Variants in TUSC3 observed in about 807,000 individuals in gnomAD.
TUSC3 encodes dolichyl-diphosphooligosaccharide--protein glycosyltransferase subunit TUSC3.
TUSC3 carries 45 observed loss-of-function variants against 44.8 expected under a neutral mutation model. The observed-to-expected ratio is 1.00, with a 90% confidence interval of 0.79 to 1.29. The LOEUF (loss-of-function observed/expected upper bound fraction) is 1.29. Ranked by LOEUF, TUSC3 falls within the 50% of genes most tolerant of loss-of-function variation. The pLI, the probability that TUSC3 is intolerant of heterozygous loss-of-function variation, is 0.00. For missense variants in TUSC3, 519 were observed against 437.9 expected (o/e 1.19, Z -1.65); for synonymous variants, 212 against 152.9 (o/e 1.39, Z -2.85).
rs369916848 is a variant in TUSC3 at position 15,447,265 on chromosome 8, G to A, written n.91+29960G>A. ...CAACCTCAAAATCCAGAAGTCAGTC[G>A]AGCAAGATCTAAGGAGTTTTGAAGG... On this transcript the variant is annotated intron_variant and non_coding_transcript_variant, in intron 1 of 5. Coordinates refer to the TUSC3 transcript ENST00000503191. 3.9e-5 allele frequency among the ~76,000 whole-genome samples: 6 copies of A among 152,172 alleles called. 1 individual carries two copies. The highest frequency in any genetic ancestry group is 1.4e-4 in the African/African-American group (6 of 41,522).
At chr8:15,442,093 C>T (rs933134742) in intron 1 of TUSC3, among the ~76,000 whole-genome samples, 1 of 152,046 alleles carries the variant, frequency 6.6e-6, no homozygotes, top group Admixed American at 6.6e-5. Context: ...ACACTGACTC[C>T]AAACTATTAG....
At chr8:15,648,269 C>A (rs73665466) in intron 2 of TUSC3, among the ~76,000 whole-genome samples, 5,266 of 152,194 alleles carry the variant, frequency 0.035, 106 homozygotes, top group African/African-American at 0.056. Context: ...CTCTCTTTTA[C>A]TATCTTTATT....
chr8:15,747,196 GGTTTA>G (rs1320491414), intron 8 of TUSC3, among the ~76,000 whole-genome samples: 1 of 151,748 alleles, frequency 6.6e-6, no homozygotes, highest in Non-Finnish European at 1.5e-5. Context: ...AACTTGGTTT[GGTTTA>G]TATATTGGAA....
intron 1 of TUSC3, among the ~76,000 whole-genome samples, chr8:15,575,702 G>A (rs1276677971): frequency 6.6e-6 from 1 of 152,168 alleles, no homozygotes. Flanking sequence ...AGGAGGTGGA[G>A]GTTGCAGTCA....
chr8:15,759,048 C>A (rs1324261880), intron 10 of TUSC3, among the ~76,000 whole-genome samples: 1 of 152,174 alleles, frequency 6.6e-6, no homozygotes, highest in African/African-American at 2.4e-5. Flanking sequence ...CCACAATGTA[C>A]TTCTCGCTAG....
At chr8:15,809,826 T>A in the TUSC3 span, among the ~76,000 whole-genome samples, 1 of 152,222 alleles carries the variant, frequency 6.6e-6, no homozygotes, top group Non-Finnish European at 1.5e-5. Flanking sequence ...TCTTTACACT[T>A]GGCAATGCCA....
At chr8:15,720,718 A>G (rs1292798244) in intron 6 of TUSC3, among the ~76,000 whole-genome samples, 1 of 152,122 alleles carries the variant, frequency 6.6e-6, no homozygotes, top group African/African-American at 2.4e-5. Flanking sequence ...AGACCATATA[A>G]GAGAAGTTTC....
At chr8:15,833,873 A>T in the TUSC3 span, among the ~76,000 whole-genome samples, 2 of 151,982 alleles carry the variant, frequency 1.3e-5, no homozygotes, top group African/African-American at 2.4e-5. Context: ...AAAGTGTGAG[A>T]TATAAACTCA....
rs751341131 is a variant in TUSC3 at position 15,662,292 on chromosome 8, C to G, written c.704C>G (p.Ser235Cys). 2 of 1,612,486 alleles carry G rather than the reference C, an allele frequency of 1.2e-6. No individual in the cohort carries two copies. Among genetic ancestry groups the G allele is most frequent in the African/African-American group, 2.7e-5 (2 of 74,738 alleles). The change falls in exon 5 of 11, where the codon TCT (serine) becomes TGT (cysteine). Residue 235 changes from serine (S) to cysteine (C), a missense_variant. By Grantham distance (112) the Ser-to-Cys change is moderately radical (BLOSUM62 -1). Transcript: ENST00000503731. ...IYNKTGWAMV[S>C]LCIVFAMTSG... ...AACAAGACTGGTTGGGCCATGGTGT[C>G]TCTGGTATGTTAATACATTGTGCTT... is the stretch of plus-strand genomic sequence containing the variant.
At chr8:15,677,351 C>A (rs986612667) in intron 6 of TUSC3, among the ~76,000 whole-genome samples, 2 of 152,124 alleles carry the variant, frequency 1.3e-5, no homozygotes, top group African/African-American at 4.8e-5. Context: ...TAATCTGTGA[C>A]ATTTTATATG....
chr8:15,792,801 T>G, the TUSC3 span, among the ~76,000 whole-genome samples: 1 of 152,068 alleles, frequency 6.6e-6, no homozygotes, highest in South Asian at 2.1e-4. Flanking sequence ...GTAGTTTTAG[T>G]AGAAACAGGG....
chr8:15,603,282 A>T (rs976933174), intron 1 of TUSC3, among the ~76,000 whole-genome samples: 1 of 151,770 alleles, frequency 6.6e-6, no homozygotes, highest in Non-Finnish European at 1.5e-5. Flanking sequence ...ATTAAACATC[A>T]TGGATATGAA....
chr8:15,604,646 T>C (rs1014443375), intron 1 of TUSC3, among the ~76,000 whole-genome samples: 6 of 151,818 alleles, frequency 4.0e-5, no homozygotes, highest in East Asian at 3.9e-4. Flanking sequence ...TTAATTGTTT[T>C]CTAGTTAATG....
chr8:15,451,932 G>A (rs765235900), intron 1 of TUSC3, among the ~76,000 whole-genome samples: 2 of 152,120 alleles, frequency 1.3e-5, no homozygotes, highest in Middle Eastern at 3.4e-3. Context: ...CAGTTTTTTT[G>A]CTATACAGTA....
chr8:15,479,365 A>G (rs764783753), intron 1 of TUSC3, among the ~76,000 whole-genome samples: 1 of 152,090 alleles, frequency 6.6e-6, no homozygotes, highest in Non-Finnish European at 1.5e-5. Context: ...GCCCGTGCCT[A>G]TGTTCCAAAT....
the TUSC3 span, among the ~76,000 whole-genome samples, chr8:15,810,550 A>G: frequency 6.6e-6 from 1 of 151,972 alleles, no homozygotes; most frequent in Non-Finnish European, 1.5e-5. Context: ...AGGTGGGAGG[A>G]TCACTTGAGC....
chr8:15,457,622 A>C (rs1174544288), intron 1 of TUSC3, among the ~76,000 whole-genome samples: 1 of 150,608 alleles, frequency 6.6e-6, no homozygotes, highest in Non-Finnish European at 1.5e-5. Flanking sequence ...CATAATAGCA[A>C]AAACCTGGTA....
the TUSC3 span, among the ~76,000 whole-genome samples, chr8:15,792,714 C>G: frequency 6.6e-6 from 1 of 152,002 alleles, no homozygotes; most frequent in African/African-American, 2.4e-5. Context: ...CTCCTGGGTT[C>G]AAGTGATTAT....
chr8:15,521,280 C>T (rs1052604154), intron 2 of TUSC3, among the ~76,000 whole-genome samples: 1 of 152,098 alleles, frequency 6.6e-6, no homozygotes, highest in Non-Finnish European at 1.5e-5. Context: ...GGTAGCATGG[C>T]CTTGGCTTAC....
Sources: gnomAD v4.1 joint callset for allele counts (sites outside exome capture counted in the v4.1 genomes callset) on GRCh38, gnomAD v4.1.1 for gene constraint, MANE v1.5 for transcripts, NCBI Gene and HGNC (gene_info 2026-07-23, HGNC 2026-07-21) for gene names.